Variants in FMNL2 observed in about 807,000 individuals in gnomAD.
FMNL2 encodes the protein formin like 2, also known as formin-like protein 2.
Under a neutral mutation model 130.2 loss-of-function variants are expected in FMNL2, and 51 were observed. That is an observed-to-expected ratio of 0.39 (90% CI 0.31 to 0.49). The LOEUF (loss-of-function observed/expected upper bound fraction) is 0.49. Ranked by LOEUF, FMNL2 falls within the 20% of genes least tolerant of loss-of-function variation. The probability of loss-of-function intolerance (pLI) is 0.85; values close to 1 mark genes in which losing one functional copy is unlikely to be tolerated. For synonymous variants in FMNL2, 465 were observed against 467.1 expected, an observed-to-expected ratio of 1.00 and a Z score of 0.06; for missense variants, 977 against 1,316.2, an observed-to-expected ratio of 0.74 and a Z score of 3.99.
chr2:152,482,750 CT>C (rs546508615), intron 1 of FMNL2, among the ~76,000 whole-genome samples: 1 of 152,218 alleles, frequency 6.6e-6, no homozygotes, highest in Non-Finnish European at 1.5e-5. Context: ...GAAACAGTTT[CT>C]GGCATTCTGT....
At position 152,561,043 on chromosome 2, in the gene FMNL2, C is replaced by T. The variant is rs750994513; in HGVS notation, c.596+8C>T. 81 of 1,582,996 alleles carry T rather than the reference C, an allele frequency of 5.1e-5. 1 individual carries two copies. In the South Asian group the frequency reaches 7.6e-4, roughly 15 times the overall value. ...AAGACATTCTGCACTGCGGTGAGTTCGTTTAATCAGGAGGCAACTTTGGCA... is the reference window on the plus strand; with the variant it reads ...AAGACATTCTGCACTGCGGTGAGTTTGTTTAATCAGGAGGCAACTTTGGCA... On this transcript the variant is annotated splice_region_variant and intron_variant, in intron 6 of 25. Coordinates refer to ENST00000288670, the MANE Select transcript of FMNL2 (RefSeq NM_052905.4).
rs369055103 is a variant in FMNL2, at chr2:152,542,713, G to C, written c.202-26G>C. ...TGTGTCATGGCTTCATACCTTTCAT[G>C]CTTTGGACTTTTGTGCTTTCTGCAG... On this transcript the variant is annotated intron_variant, in intron 2 of 25. Coordinates refer to ENST00000288670, the MANE Select transcript of FMNL2 (RefSeq NM_052905.4). The C allele has an allele frequency of 2.7e-5, 44 of 1,612,460 alleles. No homozygotes were observed. In the African/African-American group the frequency reaches 5.1e-4, roughly 19 times the overall value.
intron 11 of FMNL2, among the ~76,000 whole-genome samples, chr2:152,612,524 A>G (rs1698741129): frequency 6.6e-6 from 1 of 152,180 alleles, no homozygotes; most frequent in African/African-American, 2.4e-5. Context: ...TGTGTCTAAA[A>G]CGGAAAAGAA....
At chr2:152,621,203 A>G (rs1431896052) in intron 15 of FMNL2, 2 of 917,948 alleles carry the variant, frequency 2.2e-6, no homozygotes, top group African/African-American at 3.6e-5. Flanking sequence ...CTGCTGTGGT[A>G]TCTCATTTGG....
chr2:152,380,703 A>G (rs750109643), intron 1 of FMNL2, among the ~76,000 whole-genome samples: 1 of 152,188 alleles, frequency 6.6e-6, no homozygotes, highest in Non-Finnish European at 1.5e-5. Flanking sequence ...TAACATTTGA[A>G]TCAGTTGAGA....
At chr2:152,399,807 T>C (rs1023242338) in intron 1 of FMNL2, among the ~76,000 whole-genome samples, 1 of 152,118 alleles carries the variant, frequency 6.6e-6, no homozygotes, top group African/African-American at 2.4e-5. Flanking sequence ...TCTTTAATAG[T>C]GTTTCTATAT....
At position 152,466,688 on chromosome 2, in the gene FMNL2, T is replaced by C. The variant is rs569943738; in HGVS notation, c.118-55255T>C. Among the ~76,000 whole-genome samples the C allele has an allele frequency of 3.9e-5, 6 of 152,262 alleles. No individual in the cohort carries two copies. The East Asian group carries it at 9.7e-4, about 25-fold the overall frequency. On this transcript the variant is annotated intron_variant, in intron 1 of 25. Coordinates refer to ENST00000288670, the MANE Select transcript of FMNL2 (RefSeq NM_052905.4). ...ATAAGATCCCTCAGGCTTTCCTTAG[T>C]ATTAAGGAGCAGGGGGAGAAGACGG... is the stretch of plus-strand genomic sequence containing the variant.
At chr2:152,624,537 T>C (rs1681639373) in intron 15 of FMNL2, among the ~76,000 whole-genome samples, 1 of 152,006 alleles carries the variant, frequency 6.6e-6, no homozygotes, top group South Asian at 2.1e-4. Flanking sequence ...TTTCACTCTG[T>C]TGTCTTAAAC....
chr2:152,342,058 G>C (rs1229481741), intron 1 of FMNL2, among the ~76,000 whole-genome samples: 1 of 152,180 alleles, frequency 6.6e-6, no homozygotes, highest in African/African-American at 2.4e-5. Context: ...CTCCTGGTAG[G>C]TGCTTCCTGG....
intron 1 of FMNL2, among the ~76,000 whole-genome samples, chr2:152,429,263 C>T (rs1687363329): frequency 6.6e-6 from 1 of 151,208 alleles, no homozygotes; most frequent in African/African-American, 2.4e-5. Flanking sequence ...CTGAAGACAG[C>T]ACGCAGTGTC....
At chr2:152,597,487 A>T (rs1697831100) in intron 9 of FMNL2, among the ~76,000 whole-genome samples, 1 of 152,240 alleles carries the variant, frequency 6.6e-6, no homozygotes, top group South Asian at 2.1e-4. Flanking sequence ...TATAAAATTA[A>T]TACCTTTTAC....
intron 1 of FMNL2, among the ~76,000 whole-genome samples, chr2:152,342,745 T>C (rs935953368): frequency 1.3e-5 from 2 of 152,112 alleles, no homozygotes; most frequent in African/African-American, 4.8e-5. Flanking sequence ...TTGGAAGCAA[T>C]GTCTAAGGGA....
intron 9 of FMNL2, among the ~76,000 whole-genome samples, chr2:152,584,868 C>T (rs1029881635): frequency 6.6e-6 from 1 of 151,868 alleles, no homozygotes; most frequent in African/African-American, 2.4e-5. Context: ...AGCTGAAGTG[C>T]ATGTTTTAGG....
chr2:152,491,646 T>G (rs2105285331), intron 1 of FMNL2, among the ~76,000 whole-genome samples: 1 of 152,272 alleles, frequency 6.6e-6, no homozygotes, highest in African/African-American at 2.4e-5. Context: ...TTAAAGATGG[T>G]TTTAAAACTG....
chr2:152,514,977 C>G (rs1692682980), intron 1 of FMNL2, among the ~76,000 whole-genome samples: 1 of 152,090 alleles, frequency 6.6e-6, no homozygotes, highest in Non-Finnish European at 1.5e-5. Flanking sequence ...TTATCACTAC[C>G]ATGGTGATCA....
chr2:152,346,288 G>A (rs1579440908), intron 1 of FMNL2, among the ~76,000 whole-genome samples: 1 of 152,090 alleles, frequency 6.6e-6, no homozygotes, highest in African/African-American at 2.4e-5. Flanking sequence ...GCCTCCCAAA[G>A]TGCTGGGATT....
chr2:152,397,588 G>A (rs1685469005), intron 1 of FMNL2, among the ~76,000 whole-genome samples: 1 of 152,128 alleles, frequency 6.6e-6, no homozygotes, highest in Admixed American at 6.5e-5. Context: ...TAAGACAGGT[G>A]GCTTGGAGTT....
intron 25 of FMNL2, 98 bp from the exon 26 acceptor site, chr2:152,647,698 C>T (rs931165372): frequency 8.8e-7 from 1 of 1,135,810 alleles, no homozygotes; most frequent in Non-Finnish European, 1.3e-6. Context: ...GACTTTTCTA[C>T]ACAAGCTGCT....
At chr2:152,447,273 A>G (rs914233481) in intron 1 of FMNL2, among the ~76,000 whole-genome samples, 1 of 151,964 alleles carries the variant, frequency 6.6e-6, no homozygotes, top group Non-Finnish European at 1.5e-5. Flanking sequence ...GCTAATTTTT[A>G]AAAAGTTTTT....
Sources: gnomAD v4.1 joint callset for allele counts (sites outside exome capture counted in the v4.1 genomes callset) on GRCh38, gnomAD v4.1.1 for gene constraint, MANE v1.5 for transcripts, NCBI Gene and HGNC (gene_info 2026-07-23, HGNC 2026-07-21) for gene names.